Variants in GAREM1 observed in about 807,000 individuals in gnomAD.
GAREM1 encodes GRB2 associated regulator of MAPK1 subtype 1, also known as GRB2-associated and regulator of MAPK protein 1.
Under a neutral mutation model 71.3 loss-of-function variants are expected in GAREM1, and 26 were observed. The ratio of observed to expected loss-of-function variants is 0.36; its 90% CI spans 0.27 to 0.51. The LOEUF (loss-of-function observed/expected upper bound fraction) is 0.51, where lower values mean the gene tolerates loss of function less well. Ranked by LOEUF, GAREM1 falls within the 20% of genes least tolerant of loss-of-function variation. The pLI, the probability that GAREM1 is intolerant of heterozygous loss-of-function variation, is 0.95. For synonymous variants in GAREM1, 440 were observed against 433.2 expected (o/e 1.02, Z -0.20); for missense variants, 1,026 against 1,103.1 (o/e 0.93, Z 0.99).
intron 2 of GAREM1, among the ~76,000 whole-genome samples, chr18:32,334,599 A>G (rs755600237): frequency 4.6e-5 from 7 of 152,222 alleles, no homozygotes; most frequent in Non-Finnish European, 7.4e-5. Context: ...AACAGGAGAT[A>G]GTAAAAGATG....
At chr18:32,286,445 T>G (rs527405483) in intron 4 of GAREM1, among the ~76,000 whole-genome samples, 40 of 152,210 alleles carry the variant, frequency 2.6e-4, no homozygotes, top group African/African-American at 8.9e-4. Context: ...CTACTGCCTC[T>G]TGATTTTCCT....
chr18:32,310,469 G>C (rs1172511869), intron 2 of GAREM1, 146 bp from the exon 3 acceptor site: 1 of 663,702 alleles, frequency 1.5e-6, no homozygotes, highest in African/African-American at 1.9e-5. Flanking sequence ...GGCATTATGG[G>C]AGGTTCCATT....
chr18:32,270,763 T>A (rs992051599), intron 4 of GAREM1, among the ~76,000 whole-genome samples: 2 of 152,176 alleles, frequency 1.3e-5, no homozygotes, highest in African/African-American at 4.8e-5. Flanking sequence ...TTCACAAATT[T>A]AACTTGAGGA....
chr18:32,368,935 A>G (rs2047951859), intron 2 of GAREM1, among the ~76,000 whole-genome samples: 1 of 152,250 alleles, frequency 6.6e-6, no homozygotes, highest in South Asian at 2.1e-4. Flanking sequence ...TGTGAATTCA[A>G]TATAAAATAT....
intron 2 of GAREM1, among the ~76,000 whole-genome samples, chr18:32,364,485 T>C (rs1011447702): frequency 2.2e-4 from 33 of 152,048 alleles, no homozygotes; most frequent in African/African-American, 6.8e-4. Context: ...ACAATAAGTA[T>C]GGTAGACAAG....
chr18:32,439,841 A>T (rs2048716666), intron 1 of GAREM1, among the ~76,000 whole-genome samples: 1 of 152,166 alleles, frequency 6.6e-6, no homozygotes, highest in South Asian at 2.1e-4. Context: ...TTACAAAAAC[A>T]GTCACACAAA....
intron 1 of GAREM1, among the ~76,000 whole-genome samples, chr18:32,435,856 C>T (rs11873022): frequency 0.017 from 2,635 of 152,134 alleles, 40 homozygotes; most frequent in African/African-American, 0.04. Flanking sequence ...GTGGCTTTGG[C>T]GCATAATCTT....
chr18:32,307,373 A>G (rs1293605631), intron 3 of GAREM1, among the ~76,000 whole-genome samples: 1 of 152,196 alleles, frequency 6.6e-6, no homozygotes, highest in Non-Finnish European at 1.5e-5. Flanking sequence ...TCTTTCTTTT[A>G]AAAACTGCTT....
chr18:32,430,364 A>C (rs1428245147), intron 1 of GAREM1, among the ~76,000 whole-genome samples: 1 of 152,222 alleles, frequency 6.6e-6, no homozygotes, highest in South Asian at 2.1e-4. Flanking sequence ...TGTAATACAA[A>C]GAAAAAAAGA....
chr18:32,321,906 T>C (rs574380540), intron 2 of GAREM1, among the ~76,000 whole-genome samples: 1 of 152,320 alleles, frequency 6.6e-6, no homozygotes, highest in Non-Finnish European at 1.5e-5. Context: ...TTTAGGATAA[T>C]GTGCACATGA....
At chr18:32,380,781 C>T (rs2048089251) in intron 2 of GAREM1, among the ~76,000 whole-genome samples, 1 of 151,960 alleles carries the variant, frequency 6.6e-6, no homozygotes, top group Admixed American at 6.6e-5. Context: ...CTAGATGGCG[C>T]TGGGGTAGGG....
intron 1 of GAREM1, among the ~76,000 whole-genome samples, chr18:32,447,986 G>C (rs1339707164): frequency 6.6e-6 from 1 of 152,146 alleles, no homozygotes; most frequent in Non-Finnish European, 1.5e-5. Flanking sequence ...CTGTGAGAGA[G>C]TACTGAAGAA....
At chr18:32,365,241 GT>G (rs1306182562) in intron 2 of GAREM1, among the ~76,000 whole-genome samples, 1 of 152,062 alleles carries the variant, frequency 6.6e-6, no homozygotes, top group African/African-American at 2.4e-5. Flanking sequence ...TTTAATTTTT[GT>G]TGGGAAACAA....
intron 2 of GAREM1, among the ~76,000 whole-genome samples, chr18:32,345,590 T>C (rs938936697): frequency 3.3e-5 from 5 of 152,200 alleles, no homozygotes; most frequent in African/African-American, 9.6e-5. Flanking sequence ...TTTGGTTAAG[T>C]TGGCAATAAG....
rs1169863932 is a variant in GAREM1, at chr18:32,433,163, A to C, written c.121+37145T>G. On this transcript the variant is annotated intron_variant, in intron 1 of 5. Transcript: ENST00000269209. ...AACCACATTAACAGGCAAAAAAAAA[A>C]CAACCCCACACAGGATCGTATCAAT... Among the ~76,000 whole-genome samples, 4 of 151,962 alleles carry C rather than the reference A, an allele frequency of 2.6e-5. No homozygotes were observed. The East Asian group carries it at 5.8e-4, about 22-fold the overall frequency.
At chr18:32,404,105 A>T (rs1288874858) in intron 1 of GAREM1, among the ~76,000 whole-genome samples, 2 of 152,196 alleles carry the variant, frequency 1.3e-5, no homozygotes, top group African/African-American at 4.8e-5. Context: ...AGCTTTGTCC[A>T]AATTGTCATT....
At chr18:32,278,214 G>A (rs1331004380) in intron 4 of GAREM1, among the ~76,000 whole-genome samples, 1 of 152,152 alleles carries the variant, frequency 6.6e-6, no homozygotes, top group Admixed American at 6.5e-5. Flanking sequence ...CAGAGCAGTG[G>A]TGGGTGCTCA....
chr18:32,321,586 A>G (rs976959949), intron 2 of GAREM1, among the ~76,000 whole-genome samples: 1 of 152,176 alleles, frequency 6.6e-6, no homozygotes, highest in Non-Finnish European at 1.5e-5. Context: ...AAAAATCTCA[A>G]TATCAAAATA....
At chr18:32,372,433 T>C (rs1012093806) in intron 2 of GAREM1, among the ~76,000 whole-genome samples, 4 of 152,196 alleles carry the variant, frequency 2.6e-5, no homozygotes, top group African/African-American at 7.2e-5. Flanking sequence ...CCCAATCCTA[T>C]TGATTTTTAG....
Sources: gnomAD v4.1 joint callset for allele counts (sites outside exome capture counted in the v4.1 genomes callset) on GRCh38, gnomAD v4.1.1 for gene constraint, MANE v1.5 for transcripts, NCBI Gene and HGNC (gene_info 2026-07-23, HGNC 2026-07-21) for gene names.